The following PPIL3 variants were observed in gnomAD, a reference collection of about 807,000 sequenced individuals.
The protein encoded by PPIL3 is peptidyl-prolyl cis-trans isomerase-like 3.
In PPIL3, 13 loss-of-function variants were observed where a neutral mutation model predicts 20.9. The ratio of observed to expected loss-of-function variants is 0.62; its 90% confidence interval spans 0.40 to 0.99. The LOEUF is 0.99. Among genes scored for constraint, PPIL3 ranks in the 50% least tolerant of loss-of-function variants. The pLI, the probability that PPIL3 is intolerant of heterozygous loss-of-function variation, is 0.00. For missense variants in PPIL3, 170 were observed against 195.2 expected, an observed-to-expected ratio of 0.87 and a Z score of 0.77; for synonymous variants, 71 against 64.4, an observed-to-expected ratio of 1.10 and a Z score of -0.49.
chr2:200,884,263 A>G (rs1455657276), intron 3 of PPIL3, among the ~76,000 whole-genome samples: 1 of 152,032 alleles, frequency 6.6e-6, no homozygotes, highest in African/African-American at 2.4e-5. Flanking sequence ...TTAGCTGGGC[A>G]TGGTGGCTGG....
rs1449947354 is a variant in PPIL3, at chr2:200,885,687, A to G, written c.78+11T>C. 2.0e-6 allele frequency: 3 copies of G among 1,493,642 alleles called. No homozygotes were observed. The highest frequency in any genetic ancestry group is 2.8e-6 in the Non-Finnish European group (3 of 1,074,944). The allele number at this position is 1,493,642 out of a possible 1,614,324, so 92.5% of individuals were successfully genotyped here. A position where few individuals can be genotyped will look rare whatever the true frequency, so the allele number is the denominator to read the frequency against. On this transcript the variant is annotated intron_variant, in intron 3 of 6. Transcript: ENST00000392283. ...TTAACTGATGTTGAATATGTAAATA[A>G]TAGTACTTACCTCACATGTTTTGGG... is the stretch of plus-strand genomic sequence containing the variant.
intron 5 of PPIL3, among the ~76,000 whole-genome samples, chr2:200,879,126 T>TC (rs1385430384): frequency 1.4e-5 from 2 of 144,212 alleles, no homozygotes; most frequent in East Asian, 4.2e-4. Flanking sequence ...ATAATGGTTC[T>TC]TTTTTTTTTT....
intron 1 of PPIL3, chr2:200,888,563 G>C (rs1216634215): frequency 5.4e-5 from 10 of 186,356 alleles, no homozygotes; most frequent in Non-Finnish European, 1.1e-4. Context: ...ATGTCGCCAG[G>C]CTGGAGTGCA....
At chr2:200,887,041 A>T (rs1398426878) in intron 2 of PPIL3, 1 of 152,190 alleles carries the variant, frequency 6.6e-6, no homozygotes, top group Non-Finnish European at 1.5e-5. Flanking sequence ...CTGCTCCTTC[A>T]ACTCTCCCTT....
At chr2:200,879,090 C>T (rs2039620627) in intron 5 of PPIL3, among the ~76,000 whole-genome samples, 1 of 151,926 alleles carries the variant, frequency 6.6e-6, no homozygotes. Flanking sequence ...TACATATCCA[C>T]AATCTTGGTG....
chr2:200,889,097 G>A (rs1054010637), upstream of PPIL3: 4 of 467,626 alleles, frequency 8.6e-6, no homozygotes, highest in African/African-American at 4.0e-5. Context: ...GAGAGAGAAC[G>A]CCCCTTACCG....
chr2:200,887,592 T>C (rs762283963), intron 2 of PPIL3, 21 bp downstream of exon 2: 4 of 1,582,052 alleles, frequency 2.5e-6, no homozygotes, highest in South Asian at 2.3e-5. Flanking sequence ...AGACATTAGA[T>C]AAAAATTGCT....
intron 5 of PPIL3, among the ~76,000 whole-genome samples, chr2:200,880,867 AAC>A (rs965442712): frequency 2.6e-5 from 4 of 152,132 alleles, no homozygotes; most frequent in Non-Finnish European, 5.9e-5. Context: ...AGGTTTGAAA[AAC>A]ACAGAAAAAT....
intron 5 of PPIL3, chr2:200,877,650 C>T (rs1485202362): frequency 6.6e-6 from 1 of 152,156 alleles, no homozygotes; most frequent in Admixed American, 6.5e-5. Context: ...CTATTTATAA[C>T]TCAGATGCTC....
At chr2:200,886,783 T>G (rs1311404331) in intron 2 of PPIL3, 1 of 152,180 alleles carries the variant, frequency 6.6e-6, no homozygotes, top group Non-Finnish European at 1.5e-5. Context: ...AGGGCACTAT[T>G]CTCATTGCCT....
At chr2:200,881,666 C>CA (rs150704838) in intron 4 of PPIL3, 178 bp from the exon 5 acceptor site, 84,314 of 531,182 alleles carry the variant, frequency 0.16, 8,604 homozygotes, top group African/African-American at 0.37. Flanking sequence ...AACAGACCTA[C>CA]AAAAAACAAA....
chr2:200,884,159 T>C (rs963619465), intron 3 of PPIL3, among the ~76,000 whole-genome samples: 187 of 77,628 alleles, frequency 2.4e-3, no homozygotes, highest in African/African-American at 0.014. Context: ...GGGCAGCACT[T>C]TGGGCAGCCA....
intron 6 of PPIL3, among the ~76,000 whole-genome samples, chr2:200,871,856 C>T (rs1289064926): frequency 6.6e-6 from 1 of 152,164 alleles, no homozygotes; most frequent in Non-Finnish European, 1.5e-5. Flanking sequence ...TGTTTTTCTA[C>T]ACTTTCATAC....
chr2:200,886,627 T>C (rs556003190), intron 2 of PPIL3, among the ~76,000 whole-genome samples: 8 of 152,256 alleles, frequency 5.3e-5, no homozygotes, highest in Non-Finnish European at 8.8e-5. Flanking sequence ...GGTTTCACCA[T>C]GTTGGCCAGG....
chr2:200,884,567 G>A (rs186777416), intron 3 of PPIL3, among the ~76,000 whole-genome samples: 2 of 151,178 alleles, frequency 1.3e-5, no homozygotes, highest in Admixed American at 6.6e-5. Context: ...GTGAGATCTC[G>A]TCTCCATAAA....
At chr2:200,886,485 G>A (rs2124839506) in intron 2 of PPIL3, among the ~76,000 whole-genome samples, 1 of 151,854 alleles carries the variant, frequency 6.6e-6, no homozygotes, top group South Asian at 2.1e-4. Flanking sequence ...GAGTGCAGTG[G>A]CGTGATCTCG....
At chr2:200,881,616 C>T in intron 4 of PPIL3, 128 bp from the exon 5 acceptor site, 1 of 679,482 alleles carries the variant, frequency 1.5e-6, no homozygotes, top group South Asian at 2.2e-5. Flanking sequence ...TATGGCCTTT[C>T]CTAATTCCCC....
chr2:200,885,929 GT>G (rs142272758), intron 2 of PPIL3, among the ~76,000 whole-genome samples, 157 bp from the exon 3 acceptor site: 9,276 of 152,240 alleles, frequency 0.061, 554 homozygotes, highest in African/African-American at 0.16. Flanking sequence ...GCTCTTAGAG[GT>G]TAAGTTGTAC....
At chr2:200,878,471 C>A (rs928177855) in intron 5 of PPIL3, among the ~76,000 whole-genome samples, 16 of 151,296 alleles carry the variant, frequency 1.1e-4, no homozygotes, top group Admixed American at 1.1e-3. Flanking sequence ...CTCACTGTAG[C>A]CTTGACCTCC....
Sources: gnomAD v4.1 joint callset for allele counts (sites outside exome capture counted in the v4.1 genomes callset) on GRCh38, gnomAD v4.1.1 for gene constraint, MANE v1.5 for transcripts, NCBI Gene and HGNC (gene_info 2026-07-23, HGNC 2026-07-21) for gene names.